Variants in EPHA6 observed in about 807,000 individuals in gnomAD.
EPHA6 encodes ephrin type-A receptor 6.
In EPHA6, 50 loss-of-function variants were observed where a neutral mutation model predicts 112.0. The ratio of observed to expected loss-of-function variants is 0.45; its 90% CI spans 0.36 to 0.56. EPHA6 has a LOEUF of 0.56. Among genes scored for constraint, EPHA6 ranks in the 20% least tolerant of loss-of-function variants. The pLI is 0.00. For missense variants in EPHA6, 1,280 were observed against 1,417.4 expected (o/e 0.90, Z 1.56); for synonymous variants, 529 against 490.7 (o/e 1.08, Z -1.03).
chr3:97,624,346 C>G (rs1306785989), intron 13 of EPHA6, among the ~76,000 whole-genome samples: 1 of 151,622 alleles, frequency 6.6e-6, no homozygotes, highest in Non-Finnish European at 1.5e-5. Context: ...GTTACATTGA[C>G]TGACTTTCAT....
In EPHA6 at chr3:97,727,126, T is replaced by A. The variant is rs557855138; in HGVS notation, c.2934+6716T>A. Among the ~76,000 whole-genome samples, 17 of 152,196 alleles carry A rather than the reference T, an allele frequency of 1.1e-4. 1 individual carries two copies. Among genetic ancestry groups the A allele is most frequent in the African/African-American group, 4.1e-4 (17 of 41,540 alleles). ...TAGTTCAGTTTCCCAAAAAGAGAAC[T>A]GCTATCAGGGAGCATTTCATTTGAG... On this transcript the variant is annotated intron_variant, in intron 15 of 17. Transcript: ENST00000389672.
rs558847443 is a variant in EPHA6, at chr3:97,356,078, T to C, written c.1607-49072T>C. ...TGTATTTACAGCTGCTCCCCATCAC[T>C]AGCATTACTGCCTGAGCTCTGCCTC... On this transcript the variant is annotated intron_variant, in intron 5 of 17. Transcript: ENST00000389672. Among the ~76,000 whole-genome samples the C allele has an allele frequency of 4.6e-5, 7 of 152,290 alleles. No individual in the cohort carries two copies. The South Asian group carries it at 1.2e-3, about 27-fold the overall frequency.
At chr3:97,648,379 C>T (rs1429604807) in intron 14 of EPHA6, 5 of 1,526,474 alleles carry the variant, frequency 3.3e-6, no homozygotes, top group Non-Finnish European at 4.4e-6. Flanking sequence ...ACATAGCCTA[C>T]ACCCAACTGG....
chr3:97,744,799 G>C (rs2035642984), intron 16 of EPHA6, among the ~76,000 whole-genome samples: 2 of 152,040 alleles, frequency 1.3e-5, no homozygotes, highest in South Asian at 4.1e-4. Flanking sequence ...TCAGGAGAAA[G>C]AAGTAGAAGT....
intron 5 of EPHA6, among the ~76,000 whole-genome samples, chr3:97,265,833 C>G (rs1406910717): frequency 6.6e-6 from 1 of 152,202 alleles, no homozygotes; most frequent in Non-Finnish European, 1.5e-5. Flanking sequence ...CTCCAGATGG[C>G]CCACTGCTGC....
At chr3:97,399,460 G>A (rs1324214899) in intron 5 of EPHA6, among the ~76,000 whole-genome samples, 3 of 151,322 alleles carry the variant, frequency 2.0e-5, no homozygotes, top group Non-Finnish European at 4.4e-5. Flanking sequence ...CCCAGTAGTA[G>A]GATATCTGGA....
intron 3 of EPHA6, among the ~76,000 whole-genome samples, chr3:97,162,449 C>T (rs560859330): frequency 6.6e-6 from 1 of 152,236 alleles, no homozygotes; most frequent in East Asian, 1.9e-4. Flanking sequence ...AGTGGACCAA[C>T]TATGGGACAA....
intron 14 of EPHA6, among the ~76,000 whole-genome samples, chr3:97,681,952 T>A (rs1321903712): frequency 6.6e-6 from 1 of 152,076 alleles, no homozygotes; most frequent in South Asian, 2.1e-4. Flanking sequence ...TAGAAAGATA[T>A]CTGCTACTAG....
intron 7 of EPHA6, among the ~76,000 whole-genome samples, chr3:97,474,719 A>G (rs1405749248): frequency 6.6e-6 from 1 of 152,056 alleles, no homozygotes; most frequent in East Asian, 1.9e-4. Flanking sequence ...TTTATGAATG[A>G]AAGAAGGAAC....
chr3:97,614,513 T>A (rs201773848), intron 13 of EPHA6, among the ~76,000 whole-genome samples: 32 of 102,290 alleles, frequency 3.1e-4, no homozygotes, highest in Middle Eastern at 3.8e-3. Context: ...TTTTTTTTTT[T>A]TTTTTTTTTT....
chr3:96,820,060 C>T (rs188955727), intron 1 of EPHA6, among the ~76,000 whole-genome samples: 4 of 152,030 alleles, frequency 2.6e-5, no homozygotes, highest in South Asian at 2.1e-4. Context: ...GGAAGAAGTG[C>T]GTAACATATA....
intron 13 of EPHA6, among the ~76,000 whole-genome samples, chr3:97,612,874 C>T (rs1046712573): frequency 2.6e-5 from 4 of 152,006 alleles, no homozygotes; most frequent in African/African-American, 9.7e-5. Context: ...CAGAATAGTG[C>T]CTGACATATT....
At chr3:97,535,183 ATT>A (rs1275869001) in intron 11 of EPHA6, among the ~76,000 whole-genome samples, 1 of 152,090 alleles carries the variant, frequency 6.6e-6, no homozygotes, top group African/African-American at 2.4e-5. Context: ...GAAATAGTTT[ATT>A]TCACATAAGC....
At chr3:96,906,669 G>A (rs896424968) in intron 2 of EPHA6, among the ~76,000 whole-genome samples, 3 of 151,928 alleles carry the variant, frequency 2.0e-5, no homozygotes, top group Non-Finnish European at 4.4e-5. Flanking sequence ...TGTGTTGCTC[G>A]TTGTGGTCAA....
At chr3:97,525,289 G>A (rs1178869688) in intron 10 of EPHA6, among the ~76,000 whole-genome samples, 1 of 151,934 alleles carries the variant, frequency 6.6e-6, no homozygotes. Context: ...AAACTATTGA[G>A]TTTTTCAATT....
chr3:97,370,198 T>G (rs1040129264), intron 5 of EPHA6, among the ~76,000 whole-genome samples: 7 of 152,182 alleles, frequency 4.6e-5, no homozygotes, highest in Admixed American at 2.0e-4. Flanking sequence ...CTGCTTCCAT[T>G]AATGGAGATG....
intron 1 of EPHA6, among the ~76,000 whole-genome samples, chr3:96,861,183 TAAG>T (rs1271254965): frequency 6.6e-6 from 1 of 152,062 alleles, no homozygotes; most frequent in Non-Finnish European, 1.5e-5. Flanking sequence ...ATGAGTGAAA[TAAG>T]AAGGTATGAA....
At chr3:97,376,014 C>A (rs565122999) in intron 5 of EPHA6, among the ~76,000 whole-genome samples, 1 of 152,180 alleles carries the variant, frequency 6.6e-6, no homozygotes, top group South Asian at 2.1e-4. Flanking sequence ...AGATGAAAAC[C>A]TTTATGAAAG....
At chr3:97,575,762 A>G (rs2093377790) in intron 11 of EPHA6, among the ~76,000 whole-genome samples, 1 of 152,226 alleles carries the variant, frequency 6.6e-6, no homozygotes, top group South Asian at 2.1e-4. Context: ...CCAGCTGAAT[A>G]TAAGGGGGAA....
Sources: allele counts gnomAD v4.1 joint callset (sites outside exome capture counted in the v4.1 genomes callset), GRCh38; gene constraint gnomAD v4.1.1; transcripts MANE v1.5; gene names NCBI Gene and HGNC (gene_info 2026-07-23, HGNC 2026-07-21).